The following RGS6 variants were observed in gnomAD, a reference collection of about 807,000 sequenced individuals.
RGS6 encodes the protein regulator of G protein signaling 6.
RGS6 carries 30 observed loss-of-function variants against 78.5 expected under a neutral mutation model. That is an observed-to-expected ratio of 0.38 (90% CI 0.29 to 0.52). The LOEUF (loss-of-function observed/expected upper bound fraction) is 0.52, where lower values mean the gene tolerates loss of function less well. RGS6 is among the 20% of genes least tolerant of loss of function. RGS6 has a pLI of 0.85. For missense variants in RGS6, 495 were observed against 609.7 expected (o/e 0.81, Z 1.98); for synonymous variants, 206 against 206.0 (o/e 1.00, Z 0.00).
intron 2 of RGS6, among the ~76,000 whole-genome samples, chr14:71,985,144 A>G (rs2094640436): frequency 1.3e-5 from 2 of 152,162 alleles, no homozygotes; most frequent in African/African-American, 4.8e-5. Flanking sequence ...TTTAATTTTG[A>G]GATGGAGTCT....
the RGS6 span, among the ~76,000 whole-genome samples, chr14:71,922,271 G>A: frequency 2.0e-5 from 3 of 152,134 alleles, no homozygotes; most frequent in East Asian, 5.8e-4. Context: ...TCAGCTAAAT[G>A]TTATTCTGAA....
chr14:71,994,136 A>T (rs1454842390), intron 2 of RGS6, among the ~76,000 whole-genome samples: 1 of 152,168 alleles, frequency 6.6e-6, no homozygotes, highest in East Asian at 1.9e-4. Flanking sequence ...CCTGATCCAA[A>T]CACAGTTTGT....
At chr14:72,445,231 G>A (rs904030559) in intron 3 of RGS6, among the ~76,000 whole-genome samples, 10 of 152,142 alleles carry the variant, frequency 6.6e-5, no homozygotes, top group African/African-American at 1.4e-4. Flanking sequence ...TCATGCTGTC[G>A]CCCAGGCTGG....
At chr14:72,373,432 T>A (rs1236855775) in intron 3 of RGS6, among the ~76,000 whole-genome samples, 1 of 152,106 alleles carries the variant, frequency 6.6e-6, no homozygotes. Flanking sequence ...GTAAGGGAAA[T>A]TTTTAGAGGC....
In RGS6 at chr14:72,544,823, C is replaced by T. The variant is rs188033137; in HGVS notation, c.1422+4729C>T. Among the ~76,000 whole-genome samples the T allele has an allele frequency of 9.8e-5, 15 of 152,320 alleles. No homozygotes were observed. In the East Asian group the frequency reaches 2.9e-3, roughly 29 times the overall value. On this transcript the variant is annotated intron_variant, in intron 17 of 17. Transcript: ENST00000553525. ...CTAATGAGAGCCAAGAAGTCAACAG[C>T]TCACTCATCCCCCTCCAGGCAGCTC...
chr14:71,984,105 G>A (rs1461049753), intron 2 of RGS6, among the ~76,000 whole-genome samples: 2 of 151,978 alleles, frequency 1.3e-5, no homozygotes, highest in Admixed American at 6.6e-5. Context: ...ACTGCAGTGG[G>A]GGCTATACAT....
chr14:72,058,273 G>A (rs1421431821), intron 2 of RGS6, among the ~76,000 whole-genome samples: 2 of 152,078 alleles, frequency 1.3e-5, no homozygotes, highest in Non-Finnish European at 2.9e-5. Flanking sequence ...TGCCAATTGA[G>A]CATACATTTT....
chr14:72,408,186 C>T (rs1566762166), intron 3 of RGS6, among the ~76,000 whole-genome samples: 2 of 152,204 alleles, frequency 1.3e-5, no homozygotes, highest in Non-Finnish European at 2.9e-5. Context: ...GCTGTATCTT[C>T]TGAAGACTGA....
chr14:72,152,014 A>T (rs2096696988), intron 2 of RGS6, among the ~76,000 whole-genome samples: 1 of 152,162 alleles, frequency 6.6e-6, no homozygotes, highest in African/African-American at 2.4e-5. Flanking sequence ...ATTTGGGTTG[A>T]CTGCTTAGTT....
intron 2 of RGS6, among the ~76,000 whole-genome samples, chr14:72,096,604 G>T (rs966122923): frequency 1.3e-5 from 2 of 152,180 alleles, no homozygotes; most frequent in African/African-American, 4.8e-5. Flanking sequence ...CAGCCGGGTG[G>T]TTCTCACTGG....
chr14:72,411,792 GT>G (rs1302769670), intron 3 of RGS6, among the ~76,000 whole-genome samples: 1 of 152,134 alleles, frequency 6.6e-6, no homozygotes, highest in Admixed American at 6.5e-5. Flanking sequence ...GTTGAATTTT[GT>G]CAAAGGCCTT....
chr14:72,055,592 C>T (rs1489975943), intron 2 of RGS6, among the ~76,000 whole-genome samples: 1 of 152,134 alleles, frequency 6.6e-6, no homozygotes, highest in African/African-American at 2.4e-5. Context: ...ATGCTAATGT[C>T]TGGACCCCAC....
intron 17 of RGS6, among the ~76,000 whole-genome samples, chr14:72,557,907 G>T (rs1295280828): frequency 6.6e-6 from 1 of 152,170 alleles, no homozygotes; most frequent in Non-Finnish European, 1.5e-5. Flanking sequence ...CCAAACCCAG[G>T]GATGGGCCCA....
chr14:72,188,426 C>T (rs570685307), intron 2 of RGS6, among the ~76,000 whole-genome samples: 2 of 151,972 alleles, frequency 1.3e-5, no homozygotes, highest in East Asian at 3.9e-4. Context: ...AGCTAATGCC[C>T]CTAAAATGCA....
chr14:72,322,798 A>G (rs2072465466), intron 2 of RGS6, among the ~76,000 whole-genome samples: 1 of 152,136 alleles, frequency 6.6e-6, no homozygotes, highest in African/African-American at 2.4e-5. Flanking sequence ...TCACTTTATC[A>G]TCTCCATAAA....
intron 17 of RGS6, among the ~76,000 whole-genome samples, chr14:72,556,036 G>C (rs1279879359): frequency 1.3e-5 from 2 of 152,216 alleles, no homozygotes; most frequent in Non-Finnish European, 2.9e-5. Flanking sequence ...CAGGGGATAG[G>C]TGGGTCCTTT....
chr14:71,934,202 CG>C (rs1374832240), intron 1 of RGS6, among the ~76,000 whole-genome samples: 12 of 152,264 alleles, frequency 7.9e-5, no homozygotes, highest in African/African-American at 2.6e-4. Flanking sequence ...AGCCAAATCT[CG>C]CATGCTATAG....
At chr14:72,094,904 A>G (rs943470964) in intron 2 of RGS6, among the ~76,000 whole-genome samples, 2 of 152,184 alleles carry the variant, frequency 1.3e-5, no homozygotes, top group Non-Finnish European at 2.9e-5. Flanking sequence ...TTACACAACA[A>G]GCAAGGGGGG....
intron 17 of RGS6, among the ~76,000 whole-genome samples, chr14:72,560,797 CGTGTGTGTGTGT>C (rs57504072): frequency 0.019 from 2,699 of 141,314 alleles, 50 homozygotes; most frequent in African/African-American, 0.044. Flanking sequence ...ATTTTGTGGA[CGTGTGTGTGTGT>C]GTGTGTGTGT....
Sources: allele counts gnomAD v4.1 joint callset (sites outside exome capture counted in the v4.1 genomes callset), GRCh38; gene constraint gnomAD v4.1.1; transcripts MANE v1.5; gene names NCBI Gene and HGNC (gene_info 2026-07-23, HGNC 2026-07-21).